The following CCDC198 variants were observed in gnomAD, a reference collection of about 807,000 sequenced individuals.
CCDC198 encodes factor associated with metabolism and energy.
Under a neutral mutation model 35.6 loss-of-function variants are expected in CCDC198, and 18 were observed. That is an observed-to-expected ratio of 0.51 (90% CI 0.35 to 0.75). CCDC198 has a LOEUF of 0.75. Among genes scored for constraint, CCDC198 ranks in the 30% least tolerant of loss-of-function variants. The pLI is 0.01. For missense variants in CCDC198, 365 were observed against 343.7 expected (o/e 1.06, Z -0.49); for synonymous variants, 119 against 113.4 (o/e 1.05, Z -0.31).
At chr14:57,493,374 A>T (rs2067642267) in intron 1 of CCDC198, 119 bp downstream of exon 1, 8 of 860,702 alleles carry the variant, frequency 9.3e-6, no homozygotes, top group Non-Finnish European at 3.6e-6. Flanking sequence ...AGATAGCCTA[A>T]ATTCCTTTAC....
chr14:57,492,741 C>T (rs1447252245), intron 1 of CCDC198, among the ~76,000 whole-genome samples: 1 of 151,786 alleles, frequency 6.6e-6, no homozygotes, highest in African/African-American at 2.4e-5. Flanking sequence ...GTTATTGATC[C>T]AGAAGGTGAA....
chr14:57,471,966 C>A (rs1017822857), intron 5 of CCDC198, among the ~76,000 whole-genome samples: 2 of 151,788 alleles, frequency 1.3e-5, no homozygotes, highest in Admixed American at 6.6e-5. Flanking sequence ...TCACCTCCCC[C>A]CTAAATATAT....
At chr14:57,491,165 T>G in intron 1 of CCDC198, 94 bp from the exon 2 acceptor site, 1 of 1,270,298 alleles carries the variant, frequency 7.9e-7, no homozygotes, top group Middle Eastern at 2.6e-4. Flanking sequence ...GTCAACACAA[T>G]TTTGTACCTT....
chr14:57,481,704 T>C, intron 3 of CCDC198, 44 bp from the exon 4 acceptor site: 1 of 1,231,846 alleles, frequency 8.1e-7, no homozygotes, highest in Non-Finnish European at 1.2e-6. Context: ...AATTTGTTAC[T>C]GACTCTGCAA....
Position 57,473,897 on chromosome 14 carries a change from A to T in CCDC198, c.656-2307T>A, listed in dbSNP as rs113588142. On this transcript the variant is annotated intron_variant, in intron 5 of 5. Transcript: ENST00000216445. ...TGAATCTCTCATTCACCTAGAGTCC[A>T]TCGTGTTCCTTCCCACTGCAGGACT... 1.3e-5 allele frequency among the ~76,000 whole-genome samples: 2 copies of T among 152,328 alleles called. 1 individual carries two copies. Among genetic ancestry groups the T allele is most frequent in the African/African-American group, 4.8e-5 (2 of 41,564 alleles).
intron 4 of CCDC198, 97 bp downstream of exon 4, chr14:57,481,462 A>G (rs2067182599): frequency 1.3e-6 from 1 of 799,528 alleles, no homozygotes; most frequent in South Asian, 1.7e-5. Flanking sequence ...TTAAAATGCT[A>G]AGTAAAGACT....
At chr14:57,492,500 A>G (rs1048847007) in intron 1 of CCDC198, among the ~76,000 whole-genome samples, 27 of 152,006 alleles carry the variant, frequency 1.8e-4, no homozygotes, top group Non-Finnish European at 3.8e-4. Flanking sequence ...CATGTCTATC[A>G]CCTATCCCTC....
chr14:57,478,606 G>A (rs758634737), intron 5 of CCDC198: 127 of 986,714 alleles, frequency 1.3e-4, no homozygotes, highest in Non-Finnish European at 1.4e-4. Flanking sequence ...TTTTCTTGGC[G>A]TGCTCTCAAG....
chr14:57,473,855 C>T (rs2066892510), intron 5 of CCDC198, among the ~76,000 whole-genome samples: 1 of 152,168 alleles, frequency 6.6e-6, no homozygotes, highest in Non-Finnish European at 1.5e-5. Flanking sequence ...TCTCCAGAAC[C>T]ATCTCCAGTT....
chr14:57,486,784 T>C (rs761424772), intron 2 of CCDC198, among the ~76,000 whole-genome samples: 3 of 152,296 alleles, frequency 2.0e-5, no homozygotes, highest in Middle Eastern at 3.4e-3. Context: ...AGTATAAATA[T>C]GTAGTTTCAC....
intron 5 of CCDC198, among the ~76,000 whole-genome samples, chr14:57,472,586 G>A (rs942063274): frequency 1.3e-5 from 2 of 152,150 alleles, no homozygotes; most frequent in Non-Finnish European, 2.9e-5. Context: ...ATCACCTGTT[G>A]CAGCCTTTTA....
intron 5 of CCDC198, among the ~76,000 whole-genome samples, chr14:57,474,794 A>G (rs977875039): frequency 6.6e-6 from 1 of 152,200 alleles, no homozygotes; most frequent in African/African-American, 2.4e-5. Context: ...CTCCAAAATT[A>G]ATTTAGGGAG....
intron 5 of CCDC198, among the ~76,000 whole-genome samples, chr14:57,474,892 T>C (rs2066921033): frequency 6.6e-6 from 1 of 152,220 alleles, no homozygotes; most frequent in Admixed American, 6.5e-5. Context: ...TGTTTGATGG[T>C]TGTGTATTTT....
At chr14:57,486,134 A>G (rs1471972385) in intron 2 of CCDC198, among the ~76,000 whole-genome samples, 1 of 152,100 alleles carries the variant, frequency 6.6e-6, no homozygotes. Context: ...CTGAAGGGGG[A>G]TTTCTGGAAG....
At chr14:57,484,042 G>T (rs73297866) in intron 2 of CCDC198, among the ~76,000 whole-genome samples, 3,712 of 152,174 alleles carry the variant, frequency 0.024, 159 homozygotes, top group African/African-American at 0.085. Context: ...AAAACCTGCA[G>T]GGCAGAAAAA....
chr14:57,486,605 A>G (rs575855618), intron 2 of CCDC198, among the ~76,000 whole-genome samples: 26 of 152,172 alleles, frequency 1.7e-4, no homozygotes, highest in Non-Finnish European at 2.9e-4. Context: ...GTTGGGGGCC[A>G]TTGACTTCCA....
At chr14:57,479,095 AG>A in intron 5 of CCDC198, 1 of 1,152,242 alleles carries the variant, frequency 8.7e-7, no homozygotes, top group Non-Finnish European at 1.2e-6. Flanking sequence ...TAGAAGTTGT[AG>A]ACAAGCCTGT....
At chr14:57,480,398 AGC>A (rs912044053) in intron 5 of CCDC198, 195 bp downstream of exon 5, 4 of 802,352 alleles carry the variant, frequency 5.0e-6, no homozygotes, top group Admixed American at 6.2e-5. Context: ...TTAATTACCA[AGC>A]TTAAGCTTCT....
intron 4 of CCDC198, 99 bp downstream of exon 4, chr14:57,481,460 C>T: frequency 1.3e-6 from 1 of 785,148 alleles, no homozygotes; most frequent in South Asian, 1.7e-5. Context: ...ATTTAAAATG[C>T]TAAGTAAAGA....
Sources: allele counts gnomAD v4.1 joint callset (sites outside exome capture counted in the v4.1 genomes callset), GRCh38; gene constraint gnomAD v4.1.1; transcripts MANE v1.5; gene names NCBI Gene and HGNC (gene_info 2026-07-23, HGNC 2026-07-21).